Variants in ERBB4 observed in about 807,000 individuals in gnomAD.
ERBB4 encodes erb-b2 receptor tyrosine kinase 4.
A neutral mutation model predicts 158.0 loss-of-function variants in ERBB4; 42 were observed. The observed-to-expected ratio is 0.27, with a 90% CI of 0.21 to 0.34. ERBB4 has a LOEUF of 0.34. Ranked by LOEUF, ERBB4 falls within the 10% of genes least tolerant of loss-of-function variation. ERBB4 has a pLI of 1.00. For missense variants in ERBB4, 1,333 were observed against 1,624.1 expected (o/e 0.82, Z 3.08); for synonymous variants, 583 against 558.7 (o/e 1.04, Z -0.61).
chr2:211,949,322 A>T (rs564663051), intron 2 of ERBB4, among the ~76,000 whole-genome samples: 3 of 152,322 alleles, frequency 2.0e-5, no homozygotes, highest in African/African-American at 7.2e-5. Context: ...ACTCAGAGTA[A>T]CAGACAAAAT....
At chr2:212,261,230 T>C (rs542352777) in intron 1 of ERBB4, among the ~76,000 whole-genome samples, 7 of 152,314 alleles carry the variant, frequency 4.6e-5, no homozygotes, top group Non-Finnish European at 8.8e-5. Context: ...ATATACAAGG[T>C]TACACAAAGG....
intron 1 of ERBB4, among the ~76,000 whole-genome samples, chr2:212,296,490 G>T (rs2086416243): frequency 6.6e-6 from 1 of 151,820 alleles, no homozygotes; most frequent in African/African-American, 2.4e-5. Flanking sequence ...TCATATATTA[G>T]CATTTGGAGG....
At position 211,947,592 on chromosome 2, in the gene ERBB4, C is replaced by G. The variant is rs143662416; in HGVS notation, c.259G>C (p.Val87Leu). Residue 87 changes from valine (V) to leucine (L), a missense_variant, in exon 3 of 28, where the codon GTG becomes CTG. Transcript: ENST00000342788. ...LRSVREVTGYVLVALNQFRYL... is the reference protein window; with the variant it reads ...LRSVREVTGYLLVALNQFRYL... Reference sequence around the variant, plus strand: ...CGAAACTGATTAAGAGCCACTAACACGTAGCCTGTGACTTCTCGAACAGAC... The same window carrying G: ...CGAAACTGATTAAGAGCCACTAACAGGTAGCCTGTGACTTCTCGAACAGAC... 2 of 1,613,580 alleles carry G rather than the reference C, an allele frequency of 1.2e-6. No homozygotes were observed. The highest frequency in any genetic ancestry group is 4.5e-5 in the East Asian group (2 of 44,818).
intron 3 of ERBB4, among the ~76,000 whole-genome samples, chr2:211,946,001 C>T (rs1260881257): frequency 6.6e-6 from 1 of 151,976 alleles, no homozygotes; most frequent in Non-Finnish European, 1.5e-5. Flanking sequence ...TTCAATCGTT[C>T]AATTGTTCTC....
chr2:212,104,441 A>G (rs967933023), intron 2 of ERBB4, among the ~76,000 whole-genome samples: 1 of 152,148 alleles, frequency 6.6e-6, no homozygotes, highest in Non-Finnish European at 1.5e-5. Flanking sequence ...ACACTTCACA[A>G]TTCACCTGAA....
chr2:211,665,881 G>A (rs1344835113), intron 14 of ERBB4, among the ~76,000 whole-genome samples: 2 of 152,124 alleles, frequency 1.3e-5, no homozygotes, highest in Non-Finnish European at 2.9e-5. Context: ...CAATATTATA[G>A]TGCAGCAATT....
intron 1 of ERBB4, among the ~76,000 whole-genome samples, chr2:212,518,084 A>G (rs1358567167): frequency 6.6e-6 from 1 of 152,116 alleles, no homozygotes; most frequent in East Asian, 1.9e-4. Context: ...GTTCTCAACT[A>G]CAAGATACAT....
chr2:211,584,988 T>C (rs575077627), intron 19 of ERBB4, among the ~76,000 whole-genome samples: 1 of 152,106 alleles, frequency 6.6e-6, no homozygotes, highest in South Asian at 2.1e-4. Context: ...CACGTATCAA[T>C]AAAAATGTAT....
chr2:211,554,988 A>T (rs1046176897), intron 20 of ERBB4, among the ~76,000 whole-genome samples: 5 of 152,216 alleles, frequency 3.3e-5, no homozygotes, highest in African/African-American at 1.2e-4. Flanking sequence ...TATTAGCAAC[A>T]ACGATAAAAG....
chr2:211,820,404 C>T (rs75650847), intron 3 of ERBB4, among the ~76,000 whole-genome samples: 6,751 of 151,914 alleles, frequency 0.044, 256 homozygotes, highest in Middle Eastern at 0.068. Context: ...ATCCTGAACA[C>T]ACCAATGACA....
chr2:211,881,194 G>A (rs528572955), intron 3 of ERBB4, among the ~76,000 whole-genome samples: 63 of 152,282 alleles, frequency 4.1e-4, no homozygotes, highest in Middle Eastern at 6.8e-3. Context: ...TGGCTACCAA[G>A]AAGTAGAAGT....
rs577700854 is a variant in ERBB4, at chr2:211,911,762, G to A, written c.421+35668C>T. ...ACAGAGACTGGGGGTTGGAGAAAAT[G>A]GGGAGATGATAATCAAAGGTTACAA... On this transcript the variant is annotated intron_variant, in intron 3 of 27. Coordinates refer to ENST00000342788, the MANE Select transcript of ERBB4 (RefSeq NM_005235.3). Among the ~76,000 whole-genome samples the A allele has an allele frequency of 7.2e-5, 11 of 151,758 alleles. No homozygotes were observed. The South Asian group carries it at 8.3e-4, about 11-fold the overall frequency.
chr2:211,989,958 T>C (rs1307311430), intron 2 of ERBB4, among the ~76,000 whole-genome samples: 1 of 151,804 alleles, frequency 6.6e-6, no homozygotes, highest in Non-Finnish European at 1.5e-5. Flanking sequence ...CACTACCAAA[T>C]TTATAATACA....
At chr2:212,304,891 AT>A (rs1185897648) in intron 1 of ERBB4, among the ~76,000 whole-genome samples, 4 of 151,394 alleles carry the variant, frequency 2.6e-5, no homozygotes, top group Non-Finnish European at 5.9e-5. Context: ...CTAAATATTA[AT>A]TTTAGCATTG....
At chr2:212,247,488 T>C (rs746251308) in intron 1 of ERBB4, among the ~76,000 whole-genome samples, 60 of 152,328 alleles carry the variant, frequency 3.9e-4, no homozygotes, top group Middle Eastern at 3.4e-3. Context: ...ATTTCCAGCA[T>C]ATTTTTATTT....
intron 1 of ERBB4, among the ~76,000 whole-genome samples, chr2:212,445,783 G>A (rs2092337374): frequency 6.6e-6 from 1 of 152,202 alleles, no homozygotes. Flanking sequence ...CCCACAACCT[G>A]CTGAGGTACT....
chr2:212,095,867 G>A (rs1346576212), intron 2 of ERBB4, among the ~76,000 whole-genome samples: 1 of 150,724 alleles, frequency 6.6e-6, no homozygotes, highest in African/African-American at 2.4e-5. Context: ...CCTGGGAGGC[G>A]GAGCTTGCAG....
intron 1 of ERBB4, among the ~76,000 whole-genome samples, chr2:212,382,230 T>C (rs1448309933): frequency 2.7e-5 from 4 of 149,694 alleles, no homozygotes; most frequent in South Asian, 2.1e-4. Flanking sequence ...CACACATACA[T>C]ATATATACAC....
intron 1 of ERBB4, among the ~76,000 whole-genome samples, chr2:212,395,725 T>C (rs1173283744): frequency 6.7e-6 from 1 of 149,048 alleles, no homozygotes; most frequent in Non-Finnish European, 1.5e-5. Flanking sequence ...GTTCAAGCAA[T>C]TCTCCTGCCT....
Sources: allele counts gnomAD v4.1 joint callset (sites outside exome capture counted in the v4.1 genomes callset), GRCh38; gene constraint gnomAD v4.1.1; transcripts MANE v1.5; gene names NCBI Gene and HGNC (gene_info 2026-07-23, HGNC 2026-07-21).